CTNNA1: variants seen among roughly 807,000 people sequenced by gnomAD.
CTNNA1 encodes catenin alpha-1.
Under a neutral mutation model 98.4 loss-of-function variants are expected in CTNNA1, and 37 were observed. That is an observed-to-expected ratio of 0.38 (90% CI 0.29 to 0.49). CTNNA1 has a LOEUF of 0.49. Ranked by LOEUF, CTNNA1 falls within the 20% of genes least tolerant of loss-of-function variation. The probability of loss-of-function intolerance (pLI) is 0.95; values close to 1 mark genes in which losing one functional copy is unlikely to be tolerated. For synonymous variants in CTNNA1, 404 were observed against 413.2 expected (o/e 0.98, Z 0.27); for missense variants, 761 against 1,147.2 (o/e 0.66, Z 4.86).
intron 3 of CTNNA1, among the ~76,000 whole-genome samples, chr5:138,804,422 T>C (rs1413626576): frequency 6.6e-6 from 1 of 152,222 alleles, no homozygotes; most frequent in Non-Finnish European, 1.5e-5. Flanking sequence ...GATGTTTTCA[T>C]CATCCTAGAA....
intron 3 of CTNNA1, among the ~76,000 whole-genome samples, chr5:138,805,720 G>A (rs1758017461): frequency 6.6e-6 from 1 of 151,500 alleles, no homozygotes; most frequent in South Asian, 2.1e-4. Context: ...CAAGTAGCTA[G>A]GACTGCAGAC....
At chr5:138,765,835 G>A (rs1464719733) in intron 1 of CTNNA1, among the ~76,000 whole-genome samples, 1 of 151,074 alleles carries the variant, frequency 6.6e-6, no homozygotes, top group African/African-American at 2.4e-5. Flanking sequence ...TGTAGTCCCA[G>A]CTACTTGGGA....
At chr5:138,824,841 C>A (rs1760479766) in intron 6 of CTNNA1, 42 bp downstream of exon 6, 2 of 1,580,268 alleles carry the variant, frequency 1.3e-6, no homozygotes, top group Non-Finnish European at 1.7e-6. Context: ...CTTGACCATC[C>A]CCCAAAAGAT....
intron 7 of CTNNA1, among the ~76,000 whole-genome samples, chr5:138,885,006 C>T (rs775846074): frequency 5.3e-5 from 8 of 152,162 alleles, no homozygotes; most frequent in Non-Finnish European, 1.0e-4. Flanking sequence ...GTGATCATAT[C>T]AATTTTACTT....
intron 10 of CTNNA1, among the ~76,000 whole-genome samples, chr5:138,905,111 A>AAATACATACATAC (rs1554105203): frequency 0.019 from 2,572 of 138,902 alleles, 101 homozygotes; most frequent in African/African-American, 0.06. Context: ...AAAAAAAAAA[A>AAATACATACATAC]ATACATACAT....
At chr5:138,877,558 C>G (rs1751913825) in intron 7 of CTNNA1, among the ~76,000 whole-genome samples, 1 of 152,010 alleles carries the variant, frequency 6.6e-6, no homozygotes. Context: ...CGCCATTCTC[C>G]TGCCTCAGCC....
chr5:138,771,417 C>G (rs568721324), intron 1 of CTNNA1, among the ~76,000 whole-genome samples: 1 of 152,056 alleles, frequency 6.6e-6, no homozygotes, highest in Non-Finnish European at 1.5e-5. Context: ...GAATCTCCCC[C>G]ATCACTCAGC....
chr5:138,837,921 G>A (rs1761947632), intron 7 of CTNNA1, among the ~76,000 whole-genome samples: 1 of 152,098 alleles, frequency 6.6e-6, no homozygotes, highest in South Asian at 2.1e-4. Context: ...ACCATGCCTG[G>A]CCAAGTAGTT....
chr5:138,851,244 A>G (rs1763157686), intron 7 of CTNNA1, among the ~76,000 whole-genome samples: 1 of 152,100 alleles, frequency 6.6e-6, no homozygotes, highest in Admixed American at 6.5e-5. Flanking sequence ...ACTGAGCCTC[A>G]TTTCCTATCC....
chr5:138,912,685 A>G (rs1760906749), intron 10 of CTNNA1, among the ~76,000 whole-genome samples: 1 of 152,192 alleles, frequency 6.6e-6, no homozygotes, highest in African/African-American at 2.4e-5. Context: ...AAAAGTTACG[A>G]TCAGTACAGT....
chr5:138,757,384 A>G (rs1388916747), intron 1 of CTNNA1, among the ~76,000 whole-genome samples: 1 of 152,218 alleles, frequency 6.6e-6, no homozygotes, highest in Non-Finnish European at 1.5e-5. Context: ...TGAGGCATAC[A>G]GTATTTAAAA....
chr5:138,918,637 C>G (rs1762285184), intron 11 of CTNNA1, among the ~76,000 whole-genome samples: 1 of 152,298 alleles, frequency 6.6e-6, no homozygotes, highest in East Asian at 1.9e-4. Context: ...AAATATCTGT[C>G]AAATGCAATT....
intron 1 of CTNNA1, among the ~76,000 whole-genome samples, chr5:138,769,683 G>A (rs1480358229): frequency 6.6e-6 from 1 of 151,438 alleles, no homozygotes; most frequent in Non-Finnish European, 1.5e-5. Context: ...CAGGCCCTGC[G>A]CCACCACGCC....
chr5:138,769,464 C>G (rs554040567), intron 1 of CTNNA1, among the ~76,000 whole-genome samples: 84 of 151,958 alleles, frequency 5.5e-4, no homozygotes, highest in Non-Finnish European at 6.9e-4. Flanking sequence ...TCTCGGCTCA[C>G]TGCAACCTCC....
intron 10 of CTNNA1, among the ~76,000 whole-genome samples, chr5:138,905,789 G>T (rs1374086443): frequency 6.6e-6 from 1 of 152,184 alleles, no homozygotes; most frequent in African/African-American, 2.4e-5. Context: ...GATTTCTAAG[G>T]AGTATAAGTG....
intron 7 of CTNNA1, among the ~76,000 whole-genome samples, chr5:138,867,603 C>A (rs1764907061): frequency 6.6e-6 from 1 of 152,148 alleles, no homozygotes; most frequent in South Asian, 2.1e-4. Context: ...CCTGTGATAA[C>A]CCTGAGACAG....
intron 7 of CTNNA1, among the ~76,000 whole-genome samples, chr5:138,854,387 G>C (rs1356006624): frequency 6.6e-6 from 1 of 152,052 alleles, no homozygotes. Flanking sequence ...AATAAATAGG[G>C]GCTATTTTGT....
intron 5 of CTNNA1, among the ~76,000 whole-genome samples, chr5:138,819,508 C>T (rs545667861): frequency 1.5e-4 from 23 of 152,292 alleles, no homozygotes; most frequent in Non-Finnish European, 2.5e-4. Context: ...CTGGGATGCT[C>T]AGCTGGTTTA....
intron 9 of CTNNA1, among the ~76,000 whole-genome samples, chr5:138,896,687 C>T (rs1756884566): frequency 6.6e-6 from 1 of 152,142 alleles, no homozygotes; most frequent in East Asian, 1.9e-4. Context: ...GCACTGAGGG[C>T]ATTTCTTTCA....
Sources: gnomAD v4.1 joint callset for allele counts (sites outside exome capture counted in the v4.1 genomes callset) on GRCh38, gnomAD v4.1.1 for gene constraint, MANE v1.5 for transcripts, NCBI Gene and HGNC (gene_info 2026-07-23, HGNC 2026-07-21) for gene names.